GAS7: variants seen among roughly 807,000 people sequenced by gnomAD.
The protein encoded by GAS7 is growth arrest-specific protein 7.
A neutral mutation model predicts 71.1 loss-of-function variants in GAS7; 28 were observed. The ratio of observed to expected loss-of-function variants is 0.39; its 90% CI spans 0.29 to 0.54. The LOEUF (loss-of-function observed/expected upper bound fraction) is 0.54, where lower values mean the gene tolerates loss of function less well. Among genes scored for constraint, GAS7 ranks in the 20% least tolerant of loss-of-function variants. GAS7 has a pLI of 0.62. For missense variants in GAS7, 436 were observed against 627.8 expected, an observed-to-expected ratio of 0.69 and a Z score of 3.27; for synonymous variants, 258 against 245.8, an observed-to-expected ratio of 1.05 and a Z score of -0.46.
At chr17:9,988,811 C>T (rs578115309) in intron 2 of GAS7, among the ~76,000 whole-genome samples, 13 of 151,640 alleles carry the variant, frequency 8.6e-5, no homozygotes, top group Admixed American at 5.2e-4. Context: ...TCCCCTTCAG[C>T]GGTCACAAAA....
At chr17:10,056,115 C>T (rs928549127) in intron 1 of GAS7, among the ~76,000 whole-genome samples, 1 of 152,002 alleles carries the variant, frequency 6.6e-6, no homozygotes, top group African/African-American at 2.4e-5. Context: ...TGGTTGATAT[C>T]TATAATCCCA....
intron 1 of GAS7, among the ~76,000 whole-genome samples, chr17:10,173,062 G>A (rs72810929): frequency 0.058 from 8,756 of 152,240 alleles, 335 homozygotes; most frequent in South Asian, 0.12. Flanking sequence ...TCATGTCAAC[G>A]GAAATAAACC....
intron 2 of GAS7, among the ~76,000 whole-genome samples, chr17:9,984,051 A>C (rs2070540714): frequency 6.6e-6 from 1 of 152,338 alleles, no homozygotes; most frequent in South Asian, 2.1e-4. Context: ...AAAGGCCCAC[A>C]TACATGCCTC....
intron 1 of GAS7, among the ~76,000 whole-genome samples, chr17:10,043,013 C>T (rs1049741752): frequency 6.6e-6 from 1 of 152,116 alleles, no homozygotes; most frequent in East Asian, 1.9e-4. Context: ...TGGCCCTTGG[C>T]ACATGGAGCT....
intron 1 of GAS7, among the ~76,000 whole-genome samples, chr17:10,032,740 C>T (rs948621667): frequency 4.6e-5 from 7 of 152,302 alleles, no homozygotes; most frequent in East Asian, 1.9e-4. Flanking sequence ...TTGCTTTGCT[C>T]GCTGCAAGCT....
rs1020731262 is a variant in GAS7, at chr17:10,122,280, T to C, written c.183+75928A>G. Among the ~76,000 whole-genome samples, 7 of 152,040 alleles carry C rather than the reference T, an allele frequency of 4.6e-5. No individual in the cohort carries two copies. The East Asian group carries it at 9.7e-4, about 21-fold the overall frequency. The stretch of plus-strand genomic sequence containing the variant: ...TTCATCCTTCCCTCCCACTGAGGGG[T>C]TGCAAACAGAGCTCTGTCTTTAGCC... On this transcript the variant is annotated intron_variant, in intron 1 of 13. Transcript: ENST00000432992.
At chr17:10,174,217 C>T (rs944579482) in intron 1 of GAS7, among the ~76,000 whole-genome samples, 3 of 152,172 alleles carry the variant, frequency 2.0e-5, no homozygotes, top group African/African-American at 7.2e-5. Context: ...TCAATTCACC[C>T]AGTGTAAACA....
intron 1 of GAS7, among the ~76,000 whole-genome samples, chr17:10,117,419 C>T (rs1042841264): frequency 1.3e-5 from 2 of 152,168 alleles, no homozygotes; most frequent in Admixed American, 6.5e-5. Context: ...AGAAGGTAGA[C>T]ATCTTCAGGG....
chr17:10,192,911 C>T (rs980146470), intron 1 of GAS7, among the ~76,000 whole-genome samples: 9 of 152,072 alleles, frequency 5.9e-5, no homozygotes, highest in African/African-American at 1.9e-4. Flanking sequence ...CCCACCCCTC[C>T]GAGCCACAAG....
At chr17:10,160,424 C>T (rs1276705961) in intron 1 of GAS7, among the ~76,000 whole-genome samples, 2 of 152,240 alleles carry the variant, frequency 1.3e-5, no homozygotes, top group African/African-American at 2.4e-5. Context: ...AAAGCGACTT[C>T]GAAGATCACC....
chr17:9,938,064 C>T (rs1161735475), intron 8 of GAS7, among the ~76,000 whole-genome samples: 5 of 152,164 alleles, frequency 3.3e-5, no homozygotes, highest in African/African-American at 7.2e-5. Context: ...CTAGTATGGA[C>T]TAAAGGTTTA....
intron 1 of GAS7, among the ~76,000 whole-genome samples, chr17:10,063,307 T>C (rs944520580): frequency 1.3e-4 from 20 of 152,222 alleles, no homozygotes; most frequent in East Asian, 3.8e-4. Context: ...TGTGTGTGTG[T>C]GTGCGTGCGC....
intron 1 of GAS7, among the ~76,000 whole-genome samples, chr17:10,125,551 G>A (rs954699598): frequency 3.5e-4 from 52 of 146,866 alleles, no homozygotes; most frequent in Middle Eastern, 7.1e-3. Flanking sequence ...AAAAAAAAAG[G>A]TCAAACAACT....
At chr17:9,960,489 C>T (rs541102747) in intron 4 of GAS7, among the ~76,000 whole-genome samples, 17 of 152,348 alleles carry the variant, frequency 1.1e-4, no homozygotes, top group Admixed American at 5.2e-4. Flanking sequence ...TGCGGCCAGT[C>T]TGGCCTTACT....
Position 9,916,955 on chromosome 17 carries a change from C to A in GAS7, c.*273G>T, listed in dbSNP as rs2067601305. 1 of 529,320 alleles carries A rather than the reference C, an allele frequency of 1.9e-6. No individual in the cohort carries two copies. Among genetic ancestry groups the A allele is most frequent in the African/African-American group, 1.9e-5 (1 of 53,326 alleles). 32.8% of individuals were successfully genotyped at this position (529,320 alleles called of 1,614,324 possible). A position where few individuals can be genotyped will look rare whatever the true frequency, so the allele number is the denominator to read the frequency against. ...TCGGCAAGGACCACAAAGTTCCAGC[C>A]TCTGTTTGTTTCAGAGCGGCAAGCA... On this transcript the variant is annotated 3_prime_UTR_variant, in exon 14 of 14. Coordinates refer to ENST00000432992, the MANE Select transcript of GAS7 (RefSeq NM_201433.2).
intron 1 of GAS7, among the ~76,000 whole-genome samples, chr17:10,095,548 G>A (rs532985960): frequency 7.2e-5 from 11 of 152,272 alleles, no homozygotes; most frequent in Admixed American, 2.0e-4. Context: ...GATCTTGGCC[G>A]CAGTGGCTCA....
At chr17:10,133,108 T>TTTTATATATATATATA (rs1555535947) in intron 1 of GAS7, among the ~76,000 whole-genome samples, 9 of 124,146 alleles carry the variant, frequency 7.2e-5, no homozygotes, top group African/African-American at 2.7e-4. Flanking sequence ...TATAATTAGA[T>TTTTATATATATATATA]TATATATTTT....
chr17:9,928,108 T>TTTATTTA (rs1567783095), intron 9 of GAS7, among the ~76,000 whole-genome samples: 28 of 144,334 alleles, frequency 1.9e-4, no homozygotes, highest in African/African-American at 7.5e-4. Flanking sequence ...TTATTTATTT[T>TTTATTTA]TTATTTATTT....
At chr17:9,982,213 A>T (rs1232631962) in intron 2 of GAS7, among the ~76,000 whole-genome samples, 2 of 151,920 alleles carry the variant, frequency 1.3e-5, no homozygotes, top group African/African-American at 4.8e-5. Flanking sequence ...CTGCCTCTTC[A>T]TTCACCCCTA....
Sources: allele counts gnomAD v4.1 joint callset (sites outside exome capture counted in the v4.1 genomes callset), GRCh38; gene constraint gnomAD v4.1.1; transcripts MANE v1.5; gene names NCBI Gene and HGNC (gene_info 2026-07-23, HGNC 2026-07-21).